Variants in ARHGAP5 observed in about 807,000 individuals in gnomAD.
ARHGAP5 encodes Rho GTPase activating protein 5, also known as rho GTPase-activating protein 5.
Under a neutral mutation model 116.6 loss-of-function variants are expected in ARHGAP5, and 23 were observed. The observed-to-expected ratio is 0.20, with a 90% confidence interval of 0.14 to 0.28. The LOEUF (loss-of-function observed/expected upper bound fraction) is 0.28. Ranked by LOEUF, ARHGAP5 falls within the 10% of genes least tolerant of loss-of-function variation. The pLI is 1.00. For synonymous variants in ARHGAP5, 574 were observed against 602.0 expected (o/e 0.95, Z 0.68); for missense variants, 1,405 against 1,774.8 (o/e 0.79, Z 3.74).
At chr14:32,082,286 C>T (rs1189834255) in intron 1 of ARHGAP5, among the ~76,000 whole-genome samples, 1 of 152,138 alleles carries the variant, frequency 6.6e-6, no homozygotes, top group Non-Finnish European at 1.5e-5. Context: ...GAGTATTACA[C>T]CAAATGGTCT....
intron 1 of ARHGAP5, among the ~76,000 whole-genome samples, chr14:32,087,708 G>T (rs1221782726): frequency 6.6e-6 from 1 of 151,876 alleles, no homozygotes; most frequent in Non-Finnish European, 1.5e-5. Context: ...CTGCCTAACA[G>T]CCTTGTTAGA....
rs763335127 is a variant in ARHGAP5, at chr14:32,150,020, A to G, written c.4062A>G (p.Leu1354=). The change falls in exon 5 of 7, where the codon CTA becomes CTG. Residue 1354 remains leucine (L), a synonymous_variant. Transcript: ENST00000345122. ...TTCCATATTCTCTTCATCCAGAACT[A>G]TTGGAAGCAGCAAGTAAGTATAAAC... ...PLIPYSLHPE[L]LEAAKIPDKT... is the part of the protein sequence containing the mutation. 6.3e-6 allele frequency: 10 copies of G among 1,594,000 alleles called. No individual in the cohort carries two copies. The East Asian group carries it at 1.4e-4, about 22-fold the overall frequency.
In ARHGAP5 at chr14:32,092,413, G is replaced by A. The variant is rs771695126; in HGVS notation, c.1744G>A (p.Gly582Ser). 12 of 1,613,480 alleles carry A rather than the reference G, an allele frequency of 7.4e-6. No individual in the cohort carries two copies. Among genetic ancestry groups the A allele is most frequent in the Middle Eastern group, 1.7e-4 (1 of 6,060 alleles). ...LASSLLQLDH[G>S]RLRLYHDSTN... ...TAGTAGTCTTTTACAGTTGGATCATGGCCGCTTAAGATTATATCACGATAG... is the reference window on the plus strand; with the variant it reads ...TAGTAGTCTTTTACAGTTGGATCATAGCCGCTTAAGATTATATCACGATAG... The change falls in exon 2 of 7, where the codon GGC (glycine) becomes AGC (serine). Residue 582 changes from glycine to serine, a missense_variant. This residue lies in a region of ARHGAP5 where 944 missense variants were observed against 1,095.3 expected (regional missense o/e 0.86). Coordinates refer to ENST00000345122, the MANE Select transcript of ARHGAP5 (RefSeq NM_001030055.2). The surrounding 1 kb of genome is among the most constrained non-coding windows in gnomAD (Gnocchi z 4.1).
intron 4 of ARHGAP5, 70 bp downstream of exon 4, chr14:32,146,410 G>C (rs1260905662): frequency 1.7e-6 from 2 of 1,171,188 alleles, no homozygotes; most frequent in East Asian, 4.8e-5. Context: ...ATGGTGAGAA[G>C]ATTGATTTTC....
chr14:32,118,718 C>T (rs927787189), intron 3 of ARHGAP5, among the ~76,000 whole-genome samples: 5 of 152,016 alleles, frequency 3.3e-5, no homozygotes, highest in Non-Finnish European at 5.9e-5. Context: ...TGCAAATGTT[C>T]TTAAAATATT....
chr14:32,095,939 G>GTT (rs1041609674), intron 2 of ARHGAP5, among the ~76,000 whole-genome samples: 11 of 149,914 alleles, frequency 7.3e-5, no homozygotes, highest in Non-Finnish European at 1.3e-4. Flanking sequence ...TTATTTTTGT[G>GTT]TTTTTTTTTC....
At chr14:32,121,771 C>G (rs1203186752) in intron 3 of ARHGAP5, among the ~76,000 whole-genome samples, 1 of 152,180 alleles carries the variant, frequency 6.6e-6, no homozygotes, top group Non-Finnish European at 1.5e-5. Context: ...CTCTCACCCC[C>G]CCATCAACTT....
chr14:32,156,632 TAAA>T lies in ARHGAP5; in HGVS notation c.*1691_*1693del, dbSNP rs200396089. ...GGAATTAAGAAAGTACAGTAATTTT[TAAA>T]AAAAAATCCGGTAAATGTAGTATTC... On this transcript the variant is annotated 3_prime_UTR_variant, in exon 7 of 7. Transcript: ENST00000345122. The T allele has an allele frequency of 5.9e-5, 9 of 151,908 alleles. No homozygotes were observed. The highest frequency in any genetic ancestry group is 2.2e-4 in the African/African-American group (9 of 41,322). The allele number at this position is 151,908 out of a possible 1,614,324, so 9.4% of individuals were successfully genotyped here. A position where few individuals can be genotyped will look rare whatever the true frequency, so the allele number is the denominator to read the frequency against.
At position 32,158,364 on chromosome 14, in the gene ARHGAP5, T is replaced by TA. The variant is rs1881987575; in HGVS notation, c.*3416_*3417insA. 6.6e-6 allele frequency: 1 copy of TA among 151,988 alleles called. No individual in the cohort carries two copies. The highest frequency in any genetic ancestry group is 1.5e-5 in the Non-Finnish European group (1 of 67,866). 9.4% of individuals were successfully genotyped at this position (151,988 alleles called of 1,614,324 possible). A position where few individuals can be genotyped will look rare whatever the true frequency, so the allele number is the denominator to read the frequency against. Reference sequence around the variant, plus strand: ...TTAAATTATCAGGAAAACAAGATAATGCACAGATTTCTAAGACTAAGATCT... The same window carrying TA: ...TTAAATTATCAGGAAAACAAGATAATAGCACAGATTTCTAAGACTAAGATCT... On this transcript the variant is annotated 3_prime_UTR_variant, in exon 7 of 7. Transcript: ENST00000345122.
Position 32,145,288 on chromosome 14 carries a change from G to T in ARHGAP5, c.3866-975G>T, listed in dbSNP as rs554084089. Among the ~76,000 whole-genome samples, 5 of 152,314 alleles carry T rather than the reference G, an allele frequency of 3.3e-5. 1 individual carries two copies. Among genetic ancestry groups the T allele is most frequent in the African/African-American group, 1.2e-4 (5 of 41,568 alleles). ...AAAGGGTAAAGAACTCCTTGTTACT[G>T]ATTGGCAGCAGTAGAAGTCTAGGCT... is the stretch of plus-strand genomic sequence containing the variant. On this transcript the variant is annotated intron_variant, in intron 3 of 6. Coordinates refer to ENST00000345122, the MANE Select transcript of ARHGAP5 (RefSeq NM_001030055.2).
intron 1 of ARHGAP5, among the ~76,000 whole-genome samples, chr14:32,085,121 C>G (rs2041815951): frequency 6.6e-6 from 1 of 152,080 alleles, no homozygotes; most frequent in Non-Finnish European, 1.5e-5. Flanking sequence ...TCACTTTTCA[C>G]AGCATTGATA....
At position 32,091,134 on chromosome 14, in the gene ARHGAP5, C is replaced by G; in HGVS notation, c.465C>G (p.Asn155Lys). ...EQKQMPEGKLNVDGFLLCIDV... is the reference protein window; with the variant it reads ...EQKQMPEGKLKVDGFLLCIDV... Reference sequence around the variant, plus strand: ...AGCAAATGCCTGAAGGGAAGCTCAACGTAGATGGATTTTTATTATGCATTG... The same window carrying G: ...AGCAAATGCCTGAAGGGAAGCTCAAGGTAGATGGATTTTTATTATGCATTG... The change falls in exon 2 of 7, where the codon AAC (asparagine) becomes AAG (lysine). Residue 155 changes from asparagine (N) to lysine (K), a missense_variant. By Grantham distance (94) the Asn-to-Lys change is moderately conservative (BLOSUM62 0). Around this residue, in one of 6 missense-constraint regions of ARHGAP5, gnomAD observed 190 missense variants for 314.9 expected, o/e 0.60. Transcript: ENST00000345122. 1 of 1,613,614 alleles carries G rather than the reference C, an allele frequency of 6.2e-7. No homozygotes were observed. Among genetic ancestry groups the G allele is most frequent in the Non-Finnish European group, 8.5e-7 (1 of 1,179,624 alleles).
chr14:32,104,205 G>C (rs562022495), intron 2 of ARHGAP5, among the ~76,000 whole-genome samples: 1 of 152,256 alleles, frequency 6.6e-6, no homozygotes, highest in East Asian at 1.9e-4. Flanking sequence ...CCATTCACTT[G>C]AATAGTTAGT....
At chr14:32,141,994 A>G (rs529252186) in intron 3 of ARHGAP5, among the ~76,000 whole-genome samples, 1 of 151,868 alleles carries the variant, frequency 6.6e-6, no homozygotes, top group East Asian at 1.9e-4. Flanking sequence ...TTCACTGATT[A>G]CTCCTTCTGA....
rs146681076 is a variant in ARHGAP5 at position 32,159,224 on chromosome 14, A to G, written c.*4276A>G. On this transcript the variant is annotated 3_prime_UTR_variant, in exon 7 of 7. Coordinates refer to ENST00000345122, the MANE Select transcript of ARHGAP5 (RefSeq NM_001030055.2). ...GTCATTTTTACCAGTAGTTAGTAGT[A>G]TTAAGACCTGCAGTATATGCACTTT... 2 of 152,260 alleles carry G rather than the reference A, an allele frequency of 1.3e-5. No individual in the cohort carries two copies. The highest frequency in any genetic ancestry group is 4.8e-5 in the African/African-American group (2 of 41,562). The allele number at this position is 152,260 out of a possible 1,614,324, so 9.4% of individuals were successfully genotyped here.
chr14:32,117,392 A>T, intron 3 of ARHGAP5, 105 bp downstream of exon 3: 1 of 1,076,102 alleles, frequency 9.3e-7, no homozygotes, highest in Non-Finnish European at 1.3e-6. Context: ...TCTCATTATT[A>T]GGATTATTTA....
intron 3 of ARHGAP5, among the ~76,000 whole-genome samples, chr14:32,128,560 G>A (rs372757965): frequency 2.0e-4 from 31 of 152,326 alleles, no homozygotes; most frequent in Non-Finnish European, 4.1e-4. Flanking sequence ...CCGCCTCTGC[G>A]TGGGCAGGAT....
At chr14:32,146,900 C>T (rs1881403876) in intron 4 of ARHGAP5, among the ~76,000 whole-genome samples, 1 of 152,086 alleles carries the variant, frequency 6.6e-6, no homozygotes, top group Non-Finnish European at 1.5e-5. Flanking sequence ...GAATACTGTA[C>T]AATATTTTGA....
At chr14:32,081,654 T>C (rs1178369046) in intron 1 of ARHGAP5, among the ~76,000 whole-genome samples, 2 of 145,482 alleles carry the variant, frequency 1.4e-5, no homozygotes, top group Admixed American at 6.9e-5. Context: ...ATAGAAGGGG[T>C]GATGTAGAAA....
Sources: gnomAD v4.1 joint callset for allele counts (sites outside exome capture counted in the v4.1 genomes callset) on GRCh38, gnomAD v4.1.1 for gene constraint, gnomAD v4.1.1 regional missense constraint, Gnocchi (gnomAD v3.1) non-coding constraint, MANE v1.5 for transcripts, NCBI Gene and HGNC (gene_info 2026-07-23, HGNC 2026-07-21) for gene names.